Variants in DAB1 observed in about 807,000 individuals in gnomAD.
DAB1 encodes disabled homolog 1.
Under a neutral mutation model 64.6 loss-of-function variants are expected in DAB1, and 15 were observed. That is an observed-to-expected ratio of 0.23 (90% confidence interval 0.16 to 0.36). The LOEUF is 0.36. Ranked by LOEUF, DAB1 falls within the 10% of genes least tolerant of loss-of-function variation. The pLI, the probability that DAB1 is intolerant of heterozygous loss-of-function variation, is 1.00. For missense variants in DAB1, 596 were observed against 706.7 expected (o/e 0.84, Z 1.78); for synonymous variants, 235 against 251.9 (o/e 0.93, Z 0.64).
intron 3 of DAB1, among the ~76,000 whole-genome samples, chr1:58,402,230 C>T (rs1325782956): frequency 1.3e-5 from 2 of 152,222 alleles, no homozygotes; most frequent in Non-Finnish European, 2.9e-5. Context: ...CAGGACCAGC[C>T]GTGTTTCCTG....
intron 1 of DAB1, among the ~76,000 whole-genome samples, chr1:58,538,361 C>G (rs1203880578): frequency 1.3e-5 from 2 of 152,084 alleles, no homozygotes; most frequent in African/African-American, 2.4e-5. Context: ...AAGCAAAGTT[C>G]CTCAATTTTA....
intron 5 of DAB1, among the ~76,000 whole-genome samples, chr1:57,924,017 T>C (rs1349998896): frequency 6.6e-6 from 1 of 152,224 alleles, no homozygotes; most frequent in Non-Finnish European, 1.5e-5. Flanking sequence ...ATGCCCACCT[T>C]ACAGGTTCAA....
At chr1:57,405,007 C>G (rs1338679778) in intron 1 of DAB1, among the ~76,000 whole-genome samples, 1 of 152,186 alleles carries the variant, frequency 6.6e-6, no homozygotes. Context: ...TGTTCTCGCT[C>G]TGGTTTGAAA....
At chr1:58,363,853 A>AG (rs11450811) in intron 3 of DAB1, among the ~76,000 whole-genome samples, 16,349 of 152,214 alleles carry the variant, frequency 0.11, 948 homozygotes, top group Middle Eastern at 0.17. Flanking sequence ...GGGGAGCCTC[A>AG]GGGGGAGCCC....
chr1:58,104,330 G>A (rs1254992134), intron 5 of DAB1, among the ~76,000 whole-genome samples: 1 of 152,212 alleles, frequency 6.6e-6, no homozygotes, highest in Non-Finnish European at 1.5e-5. Context: ...GGGAGGCTCA[G>A]GGAAGACTGA....
chr1:57,900,813 T>G (rs1453581217), intron 5 of DAB1, among the ~76,000 whole-genome samples: 1 of 152,164 alleles, frequency 6.6e-6, no homozygotes, highest in Non-Finnish European at 1.5e-5. Flanking sequence ...TACATCTCTA[T>G]CCATTTGTAA....
intron 5 of DAB1, among the ~76,000 whole-genome samples, chr1:57,933,526 T>C (rs530155204): frequency 1.4e-4 from 22 of 152,308 alleles, no homozygotes; most frequent in Admixed American, 2.0e-4. Flanking sequence ...CAGCATAATA[T>C]TTTTGAGATT....
intron 5 of DAB1, among the ~76,000 whole-genome samples, chr1:57,976,648 CTA>C (rs1645927088): frequency 6.6e-6 from 1 of 152,126 alleles, no homozygotes; most frequent in Non-Finnish European, 1.5e-5. Flanking sequence ...GTGCATATCA[CTA>C]TGTGACACTT....
At chr1:58,382,037 T>G (rs964928363) in intron 3 of DAB1, among the ~76,000 whole-genome samples, 3 of 152,206 alleles carry the variant, frequency 2.0e-5, no homozygotes, top group Non-Finnish European at 4.4e-5. Flanking sequence ...ATTTGAACCT[T>G]TGACTTTAGC....
chr1:58,198,258 G>T (rs1992481), intron 4 of DAB1, among the ~76,000 whole-genome samples: 28,476 of 152,186 alleles, frequency 0.19, 2,865 homozygotes, highest in East Asian at 0.37. Flanking sequence ...TTCACACATA[G>T]TGTAAGCGGT....
chr1:58,093,636 C>T (rs1037542690), intron 5 of DAB1, among the ~76,000 whole-genome samples: 5 of 151,508 alleles, frequency 3.3e-5, no homozygotes, highest in African/African-American at 1.2e-4. Flanking sequence ...TTAAACTGGT[C>T]CCTGGTGCCA....
At chr1:57,949,248 C>T (rs896002521) in intron 5 of DAB1, among the ~76,000 whole-genome samples, 1 of 152,140 alleles carries the variant, frequency 6.6e-6, no homozygotes, top group South Asian at 2.1e-4. Flanking sequence ...AAGGAGTGCA[C>T]AGCCTAGATC....
intron 6 of DAB1, among the ~76,000 whole-genome samples, chr1:57,799,535 A>G (rs1382047148): frequency 6.7e-6 from 1 of 148,890 alleles, no homozygotes; most frequent in South Asian, 2.2e-4. Flanking sequence ...TTTAGGCAAT[A>G]TAGAGTCATT....
At chr1:58,511,304 C>A (rs1254815127) in intron 2 of DAB1, among the ~76,000 whole-genome samples, 2 of 152,072 alleles carry the variant, frequency 1.3e-5, no homozygotes, top group East Asian at 3.9e-4. Flanking sequence ...GAAGAGAGAG[C>A]CCAAAATTAA....
At chr1:57,613,228 T>C (rs1216887633) in intron 7 of DAB1, among the ~76,000 whole-genome samples, 7 of 152,234 alleles carry the variant, frequency 4.6e-5, no homozygotes, top group Non-Finnish European at 8.8e-5. Flanking sequence ...AGAAGTCCAG[T>C]TGTGAATGAA....
At chr1:58,464,899 T>C (rs1645279470) in intron 3 of DAB1, among the ~76,000 whole-genome samples, 1 of 152,138 alleles carries the variant, frequency 6.6e-6, no homozygotes, top group Non-Finnish European at 1.5e-5. Context: ...CTTCCTCTAA[T>C]CACTGAATAT....
chr1:57,214,784 A>G (rs964155844), intron 2 of DAB1, among the ~76,000 whole-genome samples: 3 of 151,586 alleles, frequency 2.0e-5, no homozygotes, highest in Non-Finnish European at 4.4e-5. Context: ...GGTGGCGGGC[A>G]CCTGTAGTCC....
chr1:57,809,560 A>G (rs906547435), intron 6 of DAB1, among the ~76,000 whole-genome samples: 4 of 152,196 alleles, frequency 2.6e-5, no homozygotes, highest in African/African-American at 4.8e-5. Flanking sequence ...ATAAACTAAT[A>G]TTTTAGGGTT....
At chr1:58,235,485 C>T (rs532681368) in intron 4 of DAB1, among the ~76,000 whole-genome samples, 1 of 152,182 alleles carries the variant, frequency 6.6e-6, no homozygotes, top group Non-Finnish European at 1.5e-5. Context: ...GATACACATT[C>T]TCTTTTAGAC....
Sources: gnomAD v4.1 joint callset for allele counts (sites outside exome capture counted in the v4.1 genomes callset) on GRCh38, gnomAD v4.1.1 for gene constraint, MANE v1.5 for transcripts, NCBI Gene and HGNC (gene_info 2026-07-23, HGNC 2026-07-21) for gene names.